The following RNF17 variants were observed in gnomAD, a reference collection of about 807,000 sequenced individuals.
RNF17 encodes the protein ring finger protein 17, also known as spermatogenesis associated 23.
In RNF17, 31 loss-of-function variants were observed where a neutral mutation model predicts 200.5. The observed-to-expected ratio is 0.15, with a 90% CI of 0.12 to 0.21. The LOEUF is 0.21. Among genes scored for constraint, RNF17 ranks in the 10% least tolerant of loss-of-function variants. RNF17 has a pLI of 1.00. For missense variants in RNF17, 1,628 were observed against 1,905.1 expected, an observed-to-expected ratio of 0.85 and a Z score of 2.71; for synonymous variants, 606 against 637.8, an observed-to-expected ratio of 0.95 and a Z score of 0.75.
At chr13:24,799,751 CTT>C (rs960808181) in intron 12 of RNF17, among the ~76,000 whole-genome samples, 167 bp downstream of exon 12, 1 of 152,046 alleles carries the variant, frequency 6.6e-6, no homozygotes, top group Admixed American at 6.6e-5. Flanking sequence ...ATAAGTAAAA[CTT>C]TATCATTTAC....
chr13:24,849,274 A>G (rs368506060), intron 22 of RNF17, among the ~76,000 whole-genome samples: 1 of 152,150 alleles, frequency 6.6e-6, no homozygotes, highest in East Asian at 1.9e-4. Flanking sequence ...GTTATCTGTA[A>G]TCTCTTCTGT....
In RNF17 at chr13:24,809,254, G is replaced by A. The variant is rs199855114; in HGVS notation, c.2091+4825G>A. Reference sequence around the variant, plus strand: ...CCTCCTTGTACCTCTGGTAGAATTCGGCTGTGAATCCATCTGGTCCTGGAC... The same window carrying A: ...CCTCCTTGTACCTCTGGTAGAATTCAGCTGTGAATCCATCTGGTCCTGGAC... On this transcript the variant is annotated intron_variant, in intron 15 of 35. Transcript: ENST00000255324. 8.6e-5 allele frequency among the ~76,000 whole-genome samples: 13 copies of A among 150,576 alleles called. No individual in the cohort carries two copies. The South Asian group carries it at 1.5e-3, about 17-fold the overall frequency.
At chr13:24,847,592 T>C (rs1467081691) in intron 22 of RNF17, among the ~76,000 whole-genome samples, 2 of 152,192 alleles carry the variant, frequency 1.3e-5, no homozygotes, top group Non-Finnish European at 2.9e-5. Context: ...GTGATGTGTC[T>C]GCCTCGGCCT....
intron 28 of RNF17, among the ~76,000 whole-genome samples, chr13:24,863,806 T>C (rs1054586943): frequency 6.6e-6 from 1 of 152,228 alleles, no homozygotes; most frequent in East Asian, 1.9e-4. Context: ...TAGCAAAGGC[T>C]GCCAGGTGTC....
the RNF17 span, chr13:24,885,445 C>A: frequency 1.6e-6 from 2 of 1,289,718 alleles, no homozygotes; most frequent in Admixed American, 1.7e-5. Flanking sequence ...AAGCCAGATT[C>A]TGATATAGGG....
In RNF17 at chr13:24,854,161, T is replaced by A. The variant is rs1294446969; in HGVS notation, c.3610+17T>A. The A allele has an allele frequency of 2.5e-6, 4 of 1,581,566 alleles. No homozygotes were observed. ...AACTATCAGGTGAGACCTTCTATGTTATGTAGGCTCTAGTTCTCTAGTACG... is the reference window on the plus strand; with the variant it reads ...AACTATCAGGTGAGACCTTCTATGTAATGTAGGCTCTAGTTCTCTAGTACG... On this transcript the variant is annotated intron_variant, in intron 25 of 35. Coordinates refer to ENST00000255324, the MANE Select transcript of RNF17 (RefSeq NM_031277.3).
At chr13:24,872,837 C>T (rs1054644504) in intron 32 of RNF17, among the ~76,000 whole-genome samples, 1 of 118,890 alleles carries the variant, frequency 8.4e-6, no homozygotes, top group African/African-American at 3.3e-5. Context: ...TTATGATAAA[C>T]ATCATAAAAA....
chr13:24,763,706 A>G (rs1398336782), upstream of RNF17, among the ~76,000 whole-genome samples: 1 of 152,122 alleles, frequency 6.6e-6, no homozygotes, highest in African/African-American at 2.4e-5. Context: ...GCAGTTAGTA[A>G]TGATGAACAC....
rs200855320 is a variant in RNF17, at chr13:24,841,950, A to AGT, written c.2483-89_2483-88dup. 5,702 of 1,096,264 alleles carry AGT rather than the reference A, an allele frequency of 5.2e-3. 203 individuals carry two copies. The East Asian group carries it at 0.097, about 19-fold the overall frequency. 67.9% of individuals were successfully genotyped at this position (1,096,264 alleles called of 1,614,324 possible). A position where few individuals can be genotyped will look rare whatever the true frequency, so the allele number is the denominator to read the frequency against. On this transcript the variant is annotated intron_variant, in intron 18 of 35. Transcript: ENST00000255324. ...CACTGCACTCCAGCCTGGGCGACAG[A>AGT]GTGAGACTCTGTCTCCAAAAAAAAA... is the stretch of plus-strand genomic sequence containing the variant.
intron 10 of RNF17, among the ~76,000 whole-genome samples, chr13:24,794,749 G>A (rs1884339145): frequency 6.6e-6 from 1 of 152,304 alleles, no homozygotes; most frequent in East Asian, 1.9e-4. Flanking sequence ...TTGAGACAGA[G>A]TCTTACTGTG....
At position 24,819,590 on chromosome 13, in the gene RNF17, C is replaced by A. The variant is rs117943335; in HGVS notation, c.2092-6029C>A. On this transcript the variant is annotated intron_variant, in intron 15 of 35. Transcript: ENST00000255324. ...TATAACATCCTAAAGTTATAACAATCCAATATGAGTTAATACCAACATAAT... is the reference window on the plus strand; with the variant it reads ...TATAACATCCTAAAGTTATAACAATACAATATGAGTTAATACCAACATAAT... 5.3e-3 allele frequency among the ~76,000 whole-genome samples: 811 copies of A among 152,236 alleles called. 22 individuals carry two copies. The East Asian group carries it at 0.081, about 15-fold the overall frequency.
intron 12 of RNF17, 56 bp from the exon 13 acceptor site, chr13:24,800,310 A>C: frequency 7.7e-7 from 1 of 1,294,724 alleles, no homozygotes; most frequent in South Asian, 1.6e-5. Context: ...TGTGGGGGAA[A>C]ACAAATTTAA....
intron 30 of RNF17, among the ~76,000 whole-genome samples, chr13:24,867,100 A>T (rs559852885): frequency 6.6e-6 from 1 of 152,330 alleles, no homozygotes; most frequent in South Asian, 2.1e-4. Flanking sequence ...TGAGTTATTT[A>T]TCTTTTTATT....
At chr13:24,840,784 G>C (rs1463900840) in intron 18 of RNF17, among the ~76,000 whole-genome samples, 2 of 152,116 alleles carry the variant, frequency 1.3e-5, no homozygotes, top group Non-Finnish European at 2.9e-5. Flanking sequence ...ATACGGTGCA[G>C]TATATACTGT....
At chr13:24,825,491 AATTG>A (rs1399478699) in intron 15 of RNF17, 124 bp from the exon 16 acceptor site, 1 of 693,904 alleles carries the variant, frequency 1.4e-6, no homozygotes, top group African/African-American at 1.8e-5. Context: ...TACGTAACAC[AATTG>A]ATAGATTTAC....
At chr13:24,824,433 A>G (rs186302427) in intron 15 of RNF17, 1 of 374,154 alleles carries the variant, frequency 2.7e-6, no homozygotes, top group Admixed American at 4.5e-5. Flanking sequence ...GGATTCAGAA[A>G]ATTTTCACTT....
At chr13:24,749,838 T>C in the RNF17 span, among the ~76,000 whole-genome samples, 2 of 152,180 alleles carry the variant, frequency 1.3e-5, no homozygotes, top group East Asian at 3.8e-4. Context: ...CAACCTCTGC[T>C]GTCCAGGTTC....
downstream of RNF17, among the ~76,000 whole-genome samples, chr13:24,881,467 GTTTT>G (rs909584746): frequency 2.6e-5 from 4 of 151,824 alleles, no homozygotes; most frequent in African/African-American, 4.8e-5. Flanking sequence ...TAAGGTTTGT[GTTTT>G]TTGTCTCATT....
intron 9 of RNF17, among the ~76,000 whole-genome samples, chr13:24,791,014 A>T (rs985168602): frequency 1.3e-5 from 2 of 152,212 alleles, no homozygotes; most frequent in African/African-American, 2.4e-5. Flanking sequence ...GCTATATTAG[A>T]CAATGTGGCA....
Sources: allele counts gnomAD v4.1 joint callset (sites outside exome capture counted in the v4.1 genomes callset), GRCh38; gene constraint gnomAD v4.1.1; transcripts MANE v1.5; gene names NCBI Gene and HGNC (gene_info 2026-07-23, HGNC 2026-07-21).